The following NBPF11 variants were observed in gnomAD, a reference collection of about 807,000 sequenced individuals.
NBPF11 encodes the protein NBPF member 11, also known as NBPF family member NBPF11.
NBPF11 carries 72 observed loss-of-function variants against 93.9 expected under a neutral mutation model. The observed-to-expected ratio is 0.77, with a 90% CI of 0.63 to 0.93. The LOEUF (loss-of-function observed/expected upper bound fraction) is 0.93. Among genes scored for constraint, NBPF11 ranks in the 40% least tolerant of loss-of-function variants. The pLI, the probability that NBPF11 is intolerant of heterozygous loss-of-function variation, is 0.00. For missense variants in NBPF11, 705 were observed against 802.2 expected (o/e 0.88, Z 1.46); for synonymous variants, 224 against 304.9 (o/e 0.73, Z 2.76).
At chr1:148,127,270 C>G in intron 4 of NBPF11, 2 of 170,928 alleles carry the variant, frequency 1.2e-5, no homozygotes, top group South Asian at 8.3e-5. Context: ...AGATTGTGGC[C>G]AGCGTGCCAG....
At position 148,147,839 on chromosome 1, in the gene NBPF11, T is replaced by G. The variant is rs1429568429; in HGVS notation, c.-549+3911A>C. On this transcript the variant is annotated intron_variant, in intron 1 of 23. Coordinates refer to ENST00000682118, the MANE Select transcript of NBPF11 (RefSeq NM_001385469.3). ...TTCATGCGGCTTCCTCGGCCCCTCC[T>G]GTCTCTACTGCCTGGGCCACTGGCA... Among the ~76,000 whole-genome samples the G allele has an allele frequency of 9.9e-5, 15 of 152,136 alleles. No individual in the cohort carries two copies. The South Asian group carries it at 2.1e-3, about 21-fold the overall frequency.
intron 17 of NBPF11, among the ~76,000 whole-genome samples, 188 bp from the exon 18 acceptor site, chr1:148,108,842 G>GACACACACACACACACACAC (rs71270029): frequency 7.1e-5 from 8 of 112,812 alleles, no homozygotes; most frequent in East Asian, 2.8e-4. Flanking sequence ...GAAAGAGAAA[G>GACACACACACACACACACAC]ACACACACAC....
At chr1:148,151,679 G>C (rs1485438316) in intron 1 of NBPF11, 71 bp downstream of exon 1, 1 of 152,374 alleles carries the variant, frequency 6.6e-6, no homozygotes, top group Non-Finnish European at 1.5e-5. Context: ...CCAGCCCGCC[G>C]CGCCTCAGCC....
At chr1:148,139,198 T>C (rs1671814262) in intron 2 of NBPF11, among the ~76,000 whole-genome samples, 1 of 151,368 alleles carries the variant, frequency 6.6e-6, no homozygotes, top group Non-Finnish European at 1.5e-5. Context: ...AAAAAATTCC[T>C]TTTCTTGTGC....
chr1:148,114,506 GA>G lies in NBPF11; in HGVS notation c.1586-19del. The G allele has an allele frequency of 1.7e-6, 1 of 584,558 alleles. No individual in the cohort carries two copies. Among genetic ancestry groups the G allele is most frequent in the East Asian group, 2.8e-5 (1 of 35,390 alleles). 36.2% of individuals were successfully genotyped at this position (584,558 alleles called of 1,614,324 possible). Reference sequence around the variant, plus strand: ...TTCATTTTCTGTAAATAAATTCAGAGAAGCAGGTCACATTAAGCAATTCATA... The same window carrying G: ...TTCATTTTCTGTAAATAAATTCAGAGAGCAGGTCACATTAAGCAATTCATA... On this transcript the variant is annotated intron_variant, in intron 14 of 23. Transcript: ENST00000682118.
chr1:148,145,054 G>A (rs1420899986), intron 1 of NBPF11, among the ~76,000 whole-genome samples: 1 of 148,386 alleles, frequency 6.7e-6, no homozygotes, highest in East Asian at 2.0e-4. Context: ...AGTGAGCTGA[G>A]ATTATGCCAA....
chr1:148,126,829 T>C lies in NBPF11; in HGVS notation c.175A>G (p.Lys59Glu), dbSNP rs1323882329. 7.6e-6 allele frequency: 12 copies of C among 1,585,188 alleles called. 1 individual carries two copies. In the Middle Eastern group the frequency reaches 1.6e-3, roughly 209 times the overall value. ...ATGATGGTGAGCCTATAGATCTTAC[T>C]GTATTTCTTCTGTCGGTTGGCCAGG... is the stretch of plus-strand genomic sequence containing the variant. Reference protein sequence around the residue: ...GFLANRQKKYKYEECKDLIKF... With the variant: ...GFLANRQKKYEYEECKDLIKF... Residue 59 changes from lysine (K) to glutamate (E), a missense_variant and splice_region_variant, in exon 5 of 24, where the codon AAG becomes GAG. Lys to Glu is a moderately conservative substitution (Grantham distance 56). Transcript: ENST00000682118.
intron 2 of NBPF11, among the ~76,000 whole-genome samples, chr1:148,139,176 A>G (rs1300142934): frequency 0.017 from 2,514 of 151,688 alleles, 119 homozygotes; most frequent in African/African-American, 0.058. Context: ...CTCAATTTTA[A>G]TAGGAGATTT....
At chr1:148,109,415 A>T in intron 16 of NBPF11, 80 bp from the exon 17 acceptor site, 1 of 910,756 alleles carries the variant, frequency 1.1e-6, no homozygotes, top group South Asian at 1.3e-5. Context: ...TCCAATCCTA[A>T]CACAGGGACA....
At chr1:148,140,089 T>C (rs1297848915) in intron 2 of NBPF11, among the ~76,000 whole-genome samples, 1 of 151,674 alleles carries the variant, frequency 6.6e-6, no homozygotes, top group Admixed American at 6.6e-5. Context: ...CACACACAAA[T>C]AGATGCATGG....
chr1:148,126,901 A>G lies in NBPF11; in HGVS notation c.103T>C (p.Phe35Leu). Reference sequence around the variant, plus strand: ...AAACATCTCTCTTTGAGGTTTCTGAACTGCTGTTTGTTCTCTGCCAACTGG... The same window carrying G: ...AAACATCTCTCTTTGAGGTTTCTGAGCTGCTGTTTGTTCTCTGCCAACTGG... ...RPQLAENKQQ[F>L]RNLKERCFLT... Residue 35 changes from phenylalanine to leucine, a missense_variant, in exon 5 of 24, where the codon TTC becomes CTC. Physicochemically the swap from Phe to Leu is conservative, Grantham distance 22. Transcript: ENST00000682118. 2.1e-6 allele frequency: 3 copies of G among 1,415,294 alleles called. No individual in the cohort carries two copies. The highest frequency in any genetic ancestry group is 2.9e-6 in the Non-Finnish European group (3 of 1,017,864). The allele number at this position is 1,415,294 out of a possible 1,614,324, so 87.7% of individuals were successfully genotyped here. A position where few individuals can be genotyped will look rare whatever the true frequency, so the allele number is the denominator to read the frequency against.
intron 2 of NBPF11, among the ~76,000 whole-genome samples, chr1:148,138,360 C>T (rs1299819437): frequency 2.6e-5 from 4 of 151,280 alleles, no homozygotes; most frequent in Non-Finnish European, 5.9e-5. Context: ...TCCTCTTTTA[C>T]TAATCCTCCT....
intron 11 of NBPF11, among the ~76,000 whole-genome samples, 188 bp from the exon 12 acceptor site, chr1:148,117,974 G>C (rs1208395170): frequency 1.3e-5 from 2 of 151,500 alleles, no homozygotes; most frequent in Non-Finnish European, 2.9e-5. Flanking sequence ...CTCTGTATCA[G>C]AGAGGGCTCC....
At chr1:148,151,282 C>G (rs1272466539) in intron 1 of NBPF11, among the ~76,000 whole-genome samples, 6 of 151,980 alleles carry the variant, frequency 3.9e-5, no homozygotes, top group African/African-American at 1.5e-4. Context: ...ACCTGGCACA[C>G]CTGGCTTGCC....
intron 18 of NBPF11, 77 bp downstream of exon 18, chr1:148,108,405 G>A (rs1553267747): frequency 3.2e-6 from 3 of 923,298 alleles, no homozygotes; most frequent in African/African-American, 1.7e-5. Context: ...AGCTCAGTAA[G>A]GGCCACTTGC....
At chr1:148,132,660 T>G (rs1346652404) in intron 4 of NBPF11, among the ~76,000 whole-genome samples, 7 of 147,170 alleles carry the variant, frequency 4.8e-5, no homozygotes, top group Non-Finnish European at 9.0e-5. Context: ...TCTTTCATAA[T>G]TTCTCAAAGC....
intron 4 of NBPF11, among the ~76,000 whole-genome samples, chr1:148,131,661 ACT>A (rs1435946313): frequency 3.7e-5 from 3 of 81,126 alleles, no homozygotes; most frequent in East Asian, 6.5e-4. Context: ...AGAAGTCAAA[ACT>A]CTCTTCCTCC....
At chr1:148,151,289 T>C (rs1345815949) in intron 1 of NBPF11, among the ~76,000 whole-genome samples, 3 of 151,896 alleles carry the variant, frequency 2.0e-5, no homozygotes, top group Non-Finnish European at 4.4e-5. Context: ...ACACCTGGCT[T>C]GCCCATCACC....
At chr1:148,140,610 C>T (rs1230616320) in intron 2 of NBPF11, among the ~76,000 whole-genome samples, 5 of 150,942 alleles carry the variant, frequency 3.3e-5, no homozygotes, top group African/African-American at 1.2e-4. Context: ...GATCTGAACA[C>T]CTCATTAATA....
Sources: allele counts gnomAD v4.1 joint callset (sites outside exome capture counted in the v4.1 genomes callset), GRCh38; gene constraint gnomAD v4.1.1; transcripts MANE v1.5; gene names NCBI Gene and HGNC (gene_info 2026-07-23, HGNC 2026-07-21).